The following TRIM33 variants were observed in gnomAD, a reference collection of about 807,000 sequenced individuals.
The protein encoded by TRIM33 is tripartite motif containing 33.
In TRIM33, 20 loss-of-function variants were observed where a neutral mutation model predicts 125.4. The observed-to-expected ratio is 0.16, with a 90% CI of 0.11 to 0.23. TRIM33 has a LOEUF of 0.23. Among genes scored for constraint, TRIM33 ranks in the 10% least tolerant of loss-of-function variants. The pLI, the probability that TRIM33 is intolerant of heterozygous loss-of-function variation, is 1.00. For missense variants in TRIM33, 920 were observed against 1,411.4 expected (o/e 0.65, Z 5.58); for synonymous variants, 564 against 513.9 (o/e 1.10, Z -1.32).
intron 15 of TRIM33, 102 bp downstream of exon 15, chr1:114,405,308 A>T: frequency 1.2e-6 from 1 of 832,840 alleles, no homozygotes; most frequent in Non-Finnish European, 1.9e-6. Flanking sequence ...TTTTATAGAA[A>T]TACTATGCAC....
At chr1:114,426,776 AACTACTGGAC>A (rs1317107042) in intron 8 of TRIM33, among the ~76,000 whole-genome samples, 1 of 152,202 alleles carries the variant, frequency 6.6e-6, no homozygotes. Flanking sequence ...CTCAGGACCT[AACTACTGGAC>A]ACATTAGCAT....
chr1:114,504,726 C>A (rs1652899018), intron 1 of TRIM33, among the ~76,000 whole-genome samples: 1 of 151,994 alleles, frequency 6.6e-6, no homozygotes, highest in Non-Finnish European at 1.5e-5. Context: ...AATTAAAGTC[C>A]CCTAACTAGG....
chr1:114,503,021 T>A (rs996709220), intron 1 of TRIM33, among the ~76,000 whole-genome samples: 1 of 152,194 alleles, frequency 6.6e-6, no homozygotes, highest in Non-Finnish European at 1.5e-5. Flanking sequence ...CAGCTAAGTA[T>A]CTAAGAAAAG....
rs1181213816 is a variant in TRIM33 at position 114,395,565 on chromosome 1, A to G, written c.*2083T>C. The G allele has an allele frequency of 5.0e-6, 1 of 200,778 alleles. No individual in the cohort carries two copies. The highest frequency in any genetic ancestry group is 1.0e-5 in the Non-Finnish European group (1 of 97,400). 12.4% of individuals were successfully genotyped at this position (200,778 alleles called of 1,614,324 possible). A position where few individuals can be genotyped will look rare whatever the true frequency, so the allele number is the denominator to read the frequency against. ...TACTGCTGCTATTCCTCACTTTCCA[A>G]AAATGTGCCCTTAGATATATGTCTA... On this transcript the variant is annotated 3_prime_UTR_variant, in exon 20 of 20. Transcript: ENST00000358465.
At chr1:114,423,202 A>G (rs1647319209) in intron 10 of TRIM33, among the ~76,000 whole-genome samples, 1 of 152,192 alleles carries the variant, frequency 6.6e-6, no homozygotes, top group Non-Finnish European at 1.5e-5. Context: ...GTCCACAGAA[A>G]AAGTTTCAAA....
intron 4 of TRIM33, among the ~76,000 whole-genome samples, chr1:114,452,288 C>T (rs1649358075): frequency 3.3e-5 from 5 of 151,994 alleles, no homozygotes; most frequent in South Asian, 2.1e-4. Context: ...GGTGAAACCC[C>T]GTCTCTACTA....
chr1:114,473,153 A>G (rs1355462937), intron 1 of TRIM33, among the ~76,000 whole-genome samples: 1 of 151,454 alleles, frequency 6.6e-6, no homozygotes, highest in African/African-American at 2.4e-5. Flanking sequence ...GCTACTCAGG[A>G]GGCTGAGGCA....
intron 4 of TRIM33, among the ~76,000 whole-genome samples, chr1:114,452,320 C>T (rs1212764566): frequency 3.9e-5 from 6 of 151,902 alleles, no homozygotes; most frequent in Non-Finnish European, 7.4e-5. Flanking sequence ...AGTAGCTGGG[C>T]GTGGTGGTGT....
chr1:114,397,801 G>A lies in TRIM33; in HGVS notation c.3231C>T (p.Leu1077=). The A allele has an allele frequency of 1.2e-6, 2 of 1,613,274 alleles. No individual in the cohort carries two copies. Among genetic ancestry groups the A allele is most frequent in the South Asian group, 2.2e-5 (2 of 91,024 alleles). ...KAVALYFEDK[L]TEIYSDRTFA... ...AGGTCCTGTCTGAGTAGATCTCTGT[G>A]AGTTTATCTTCAAAGTACAATGCAA... The change falls in exon 20 of 20, where the codon CTC becomes CTT. Residue 1077 remains leucine (L), a synonymous_variant. Transcript: ENST00000358465.
intron 1 of TRIM33, among the ~76,000 whole-genome samples, chr1:114,504,324 C>T (rs927613835): frequency 1.3e-5 from 2 of 152,008 alleles, no homozygotes; most frequent in Non-Finnish European, 2.9e-5. Context: ...CACTACCATG[C>T]CTATTTAATT....
chr1:114,417,328 G>T (rs1438704153), intron 11 of TRIM33, among the ~76,000 whole-genome samples: 1 of 152,186 alleles, frequency 6.6e-6, no homozygotes, highest in African/African-American at 2.4e-5. Flanking sequence ...CATTTTTAGA[G>T]TGGATCTCAT....
At chr1:114,469,939 T>A (rs545837496) in intron 1 of TRIM33, among the ~76,000 whole-genome samples, 50 of 152,288 alleles carry the variant, frequency 3.3e-4, no homozygotes, top group Non-Finnish European at 5.6e-4. Flanking sequence ...TAAAATAATA[T>A]CATAGAGTAA....
chr1:114,492,306 G>C (rs1382179274), intron 1 of TRIM33, among the ~76,000 whole-genome samples: 1 of 151,890 alleles, frequency 6.6e-6, no homozygotes, highest in Non-Finnish European at 1.5e-5. Context: ...TTTCTAGAAG[G>C]AAAAACATTT....
In TRIM33 at chr1:114,425,634, T is replaced by C. The variant is rs1422036966; in HGVS notation, c.1510A>G (p.Lys504Glu). ...QVPPGTNHIS[K>E]TPGQINLAQL... ...GCTAAGTTAATCTGTCCAGGGGTTTTACTAATGTGGTTTGTCCCTGGAGGA... is the reference window on the plus strand; with the variant it reads ...GCTAAGTTAATCTGTCCAGGGGTTTCACTAATGTGGTTTGTCCCTGGAGGA... The change falls in exon 9 of 20, where the codon AAA becomes GAA. Residue 504 changes from lysine (K) to glutamate (E), a missense_variant. Coordinates refer to ENST00000358465, the MANE Select transcript of TRIM33 (RefSeq NM_015906.4). 4 of 1,614,218 alleles carry C rather than the reference T, an allele frequency of 2.5e-6. No individual in the cohort carries two copies. The highest frequency in any genetic ancestry group is 3.4e-6 in the Non-Finnish European group (4 of 1,180,036).
chr1:114,509,985 G>A lies in TRIM33; in HGVS notation c.526+566C>T, dbSNP rs375631105. Reference sequence around the variant, plus strand: ...TCCCTAACCATGCAGTCCACTTTCCGAGTTTCTCTTTCCCCATGTCATCTT... The same window carrying A: ...TCCCTAACCATGCAGTCCACTTTCCAAGTTTCTCTTTCCCCATGTCATCTT... On this transcript the variant is annotated intron_variant, in intron 1 of 19. Coordinates refer to ENST00000358465, the MANE Select transcript of TRIM33 (RefSeq NM_015906.4). Among the ~76,000 whole-genome samples, 8 of 152,048 alleles carry A rather than the reference G, an allele frequency of 5.3e-5. No homozygotes were observed. In the South Asian group the frequency reaches 1.7e-3, roughly 32 times the overall value.
At chr1:114,455,947 G>C (rs914685281) in intron 4 of TRIM33, among the ~76,000 whole-genome samples, 10 of 152,196 alleles carry the variant, frequency 6.6e-5, no homozygotes, top group African/African-American at 2.4e-4. Flanking sequence ...GGGTAGATAA[G>C]AGACCTTACT....
intron 4 of TRIM33, among the ~76,000 whole-genome samples, chr1:114,437,585 C>T (rs1284621402): frequency 6.6e-6 from 1 of 152,178 alleles, no homozygotes; most frequent in Admixed American, 6.5e-5. Context: ...GATCCACCCA[C>T]CTCGGCCTCC....
Position 114,463,428 on chromosome 1 carries a change from CT to C in TRIM33, c.773del (p.Lys258ArgfsTer27). Reference protein sequence around the residue: ...VKFTKDHLIRKKEDVSESVGA... With the variant: ...VKFTKDHLIRXKEDVSESVGA... ...CTATCTTACCTGAGACATCTTCTTT[CT>C]TCCTGATCAAGTGATCTTTAGTAAA... On this transcript the variant is annotated frameshift_variant, in exon 3 of 20. Coordinates refer to ENST00000358465, the MANE Select transcript of TRIM33 (RefSeq NM_015906.4). LOFTEE classifies it high-confidence loss of function. The C allele has an allele frequency of 6.2e-7, 1 of 1,613,104 alleles. No homozygotes were observed. The highest frequency in any genetic ancestry group is 8.5e-7 in the Non-Finnish European group (1 of 1,179,480).
chr1:114,505,233 T>C (rs1166856957), intron 1 of TRIM33, among the ~76,000 whole-genome samples: 1 of 152,180 alleles, frequency 6.6e-6, no homozygotes, highest in Admixed American at 6.5e-5. Context: ...CTTGGACACA[T>C]CGTTAATGAC....
Sources: gnomAD v4.1 joint callset for allele counts (sites outside exome capture counted in the v4.1 genomes callset) on GRCh38, gnomAD v4.1.1 for gene constraint, MANE v1.5 for transcripts, NCBI Gene and HGNC (gene_info 2026-07-23, HGNC 2026-07-21) for gene names.